The following TBPL2 variants were observed in gnomAD, a reference collection of about 807,000 sequenced individuals.
The protein encoded by TBPL2 is TATA-box binding protein like 2.
Under a neutral mutation model 38.2 loss-of-function variants are expected in TBPL2, and 40 were observed. The ratio of observed to expected loss-of-function variants is 1.05; its 90% confidence interval spans 0.81 to 1.36. The LOEUF is 1.36. Ranked by LOEUF, TBPL2 falls within the 40% of genes most tolerant of loss-of-function variation. The pLI, the probability that TBPL2 is intolerant of heterozygous loss-of-function variation, is 0.00. For synonymous variants in TBPL2, 169 were observed against 171.7 expected (o/e 0.98, Z 0.12); for missense variants, 461 against 456.7 (o/e 1.01, Z -0.09).
At chr14:55,414,309 TC>T in exon 7 of TBPL2, 2 of 1,153,176 alleles carry the variant, frequency 1.7e-6, no homozygotes, top group South Asian at 1.4e-5. Flanking sequence ...CGTAGAAGAA[TC>T]CAGCTGTTTC....
chr14:55,432,075 A>C (rs1215593909), intron 4 of TBPL2, among the ~76,000 whole-genome samples: 1 of 152,172 alleles, frequency 6.6e-6, no homozygotes, highest in Non-Finnish European at 1.5e-5. Flanking sequence ...AAAAAATGGG[A>C]TAAAATGAGT....
intron 5 of TBPL2, among the ~76,000 whole-genome samples, chr14:55,426,033 G>A (rs968603033): frequency 6.6e-6 from 1 of 152,112 alleles, no homozygotes; most frequent in Non-Finnish European, 1.5e-5. Context: ...TTGGGAAGTC[G>A]AGGTGGGTGG....
At chr14:55,438,389 C>T (rs1886050115) in intron 1 of TBPL2, among the ~76,000 whole-genome samples, 1 of 152,180 alleles carries the variant, frequency 6.6e-6, no homozygotes, top group Non-Finnish European at 1.5e-5. Context: ...ACATGATACG[C>T]TCCCATCTTT....
chr14:55,427,233 A>T (rs549186977), intron 5 of TBPL2, among the ~76,000 whole-genome samples: 2 of 147,836 alleles, frequency 1.4e-5, no homozygotes, highest in South Asian at 4.2e-4. Context: ...CTTTATAGGG[A>T]GCTCAGATTT....
chr14:55,433,346 T>G (rs1478129904), intron 4 of TBPL2, among the ~76,000 whole-genome samples: 1 of 144,450 alleles, frequency 6.9e-6, no homozygotes, highest in Non-Finnish European at 1.5e-5. Context: ...AGAGATGGAG[T>G]CTCACTGTGT....
At chr14:55,426,634 T>A (rs1236790281) in intron 5 of TBPL2, among the ~76,000 whole-genome samples, 1 of 150,230 alleles carries the variant, frequency 6.7e-6, no homozygotes, top group Non-Finnish European at 1.5e-5. Flanking sequence ...GACAGCCGAA[T>A]GGAGAGGATG....
intron 6 of TBPL2, among the ~76,000 whole-genome samples, chr14:55,423,828 C>A (rs1885780217): frequency 6.6e-6 from 1 of 152,112 alleles, no homozygotes. Context: ...AGTTTGTTAA[C>A]CCCTGTGTTA....
intron 5 of TBPL2, among the ~76,000 whole-genome samples, chr14:55,427,619 G>A (rs554247580): frequency 7.2e-5 from 11 of 152,124 alleles, no homozygotes; most frequent in South Asian, 4.2e-4. Flanking sequence ...TAGCCCAGGT[G>A]TATATCTTGG....
At chr14:55,425,076 A>G (rs1167510183) in intron 5 of TBPL2, among the ~76,000 whole-genome samples, 1 of 152,258 alleles carries the variant, frequency 6.6e-6, no homozygotes, top group East Asian at 1.9e-4. Context: ...CTGCATGGAA[A>G]AGCTCCATTC....
intron 5 of TBPL2, among the ~76,000 whole-genome samples, chr14:55,428,117 A>ACCTTTTTTTTT (rs1566592687): frequency 4.1e-5 from 2 of 48,332 alleles, no homozygotes; most frequent in African/African-American, 1.4e-4. Flanking sequence ...CACATGCCTT[A>ACCTTTTTTTTT]TCTTTTTTTT....
exon 5 of TBPL2, chr14:55,428,904 A>G: frequency 6.2e-7 from 1 of 1,614,182 alleles, no homozygotes; most frequent in Non-Finnish European, 8.5e-7. Context: ...AAATCGAGGA[A>G]TCTGGCAGGG....
chr14:55,433,706 T>A (rs1885971186), exon 4 of TBPL2: 2 of 1,614,026 alleles, frequency 1.2e-6, no homozygotes, highest in African/African-American at 2.7e-5. Flanking sequence ...ATCCTCATTA[T>A]GACAGCAGCA....
intron 4 of TBPL2, among the ~76,000 whole-genome samples, chr14:55,430,018 T>A (rs1885899886): frequency 6.6e-6 from 1 of 152,032 alleles, no homozygotes; most frequent in South Asian, 2.1e-4. Flanking sequence ...AGGACAGGAA[T>A]TTGTCCTACT....
chr14:55,421,680 C>T lies in TBPL2; in HGVS notation c.1051+2479G>A, dbSNP rs543154003. ...GTTTCACCATGTTGGCAAGGCTGGTCTTGAATTCCTGGCCTCATGTGATCT... is the reference window on the plus strand; with the variant it reads ...GTTTCACCATGTTGGCAAGGCTGGTTTTGAATTCCTGGCCTCATGTGATCT... On this transcript the variant is annotated intron_variant, in intron 6 of 6. Coordinates refer to ENST00000247219, the Ensembl canonical transcript of TBPL2. Among the ~76,000 whole-genome samples the T allele has an allele frequency of 4.6e-5, 7 of 152,284 alleles. No homozygotes were observed. The East Asian group carries it at 1.2e-3, about 25-fold the overall frequency.
At chr14:55,427,134 C>T (rs932758106) in intron 5 of TBPL2, among the ~76,000 whole-genome samples, 1 of 152,064 alleles carries the variant, frequency 6.6e-6, no homozygotes, top group African/African-American at 2.4e-5. Context: ...TAGAAACAGG[C>T]TTTATTAGGA....
At chr14:55,439,169 C>G (rs1886064318) in intron 1 of TBPL2, among the ~76,000 whole-genome samples, 1 of 151,786 alleles carries the variant, frequency 6.6e-6, no homozygotes, top group Non-Finnish European at 1.5e-5. Flanking sequence ...GAACTCCTGA[C>G]CTCAAATGAG....
chr14:55,422,672 C>T (rs1268503598), intron 6 of TBPL2, among the ~76,000 whole-genome samples: 1 of 152,036 alleles, frequency 6.6e-6, no homozygotes, highest in African/African-American at 2.4e-5. Context: ...GCCAATTTGG[C>T]AAAACCCCAT....
At chr14:55,437,909 T>C (rs1179369534) in intron 1 of TBPL2, among the ~76,000 whole-genome samples, 4 of 152,328 alleles carry the variant, frequency 2.6e-5, no homozygotes, top group South Asian at 2.1e-4. Context: ...GAAACTTAAA[T>C]GGTAAGAATA....
At chr14:55,437,120 T>A in intron 1 of TBPL2, 102 bp from the exon 2 acceptor site, 1 of 1,014,532 alleles carries the variant, frequency 9.9e-7, no homozygotes, top group Non-Finnish European at 1.5e-6. Flanking sequence ...ATGTATTCAG[T>A]GTAAGAGGCA....
Sources: allele counts gnomAD v4.1 joint callset (sites outside exome capture counted in the v4.1 genomes callset), GRCh38; gene constraint gnomAD v4.1.1; transcripts MANE v1.5; gene names NCBI Gene and HGNC (gene_info 2026-07-23, HGNC 2026-07-21).